ANKRD12: variants seen among roughly 807,000 people sequenced by gnomAD.
ANKRD12 encodes ankyrin repeat domain 12.
ANKRD12 carries 85 observed loss-of-function variants against 183.4 expected under a neutral mutation model. The observed-to-expected ratio is 0.46, with a 90% confidence interval of 0.39 to 0.56. The LOEUF (loss-of-function observed/expected upper bound fraction) is 0.56. ANKRD12 is among the 20% of genes least tolerant of loss of function. The pLI is 0.00. For synonymous variants in ANKRD12, 914 were observed against 800.2 expected (o/e 1.14, Z -2.40); for missense variants, 2,405 against 2,357.1 (o/e 1.02, Z -0.42).
chr18:9,236,451 A>C (rs1394957047), intron 8 of ANKRD12, among the ~76,000 whole-genome samples: 1 of 152,224 alleles, frequency 6.6e-6, no homozygotes, highest in African/African-American at 2.4e-5. Context: ...CAAGTACAGC[A>C]TAAAAATACT....
chr18:9,261,602 T>C (rs1305169279), intron 9 of ANKRD12, among the ~76,000 whole-genome samples: 1 of 152,320 alleles, frequency 6.6e-6, no homozygotes, highest in South Asian at 2.1e-4. Flanking sequence ...TCTTAAGTTC[T>C]TAGAACATCA....
chr18:9,146,372 TAGTG>T (rs529843603), intron 1 of ANKRD12, among the ~76,000 whole-genome samples: 10 of 152,002 alleles, frequency 6.6e-5, no homozygotes, highest in Non-Finnish European at 1.2e-4. Context: ...TGGGCCAAAA[TAGTG>T]AGACTCCATC....
intron 1 of ANKRD12, among the ~76,000 whole-genome samples, chr18:9,178,071 G>A (rs905225201): frequency 6.6e-6 from 1 of 151,990 alleles, no homozygotes; most frequent in African/African-American, 2.4e-5. Flanking sequence ...CAGCATGGCT[G>A]GCTTTTCATT....
At chr18:9,234,907 T>C (rs1306338705) in intron 8 of ANKRD12, among the ~76,000 whole-genome samples, 3 of 152,116 alleles carry the variant, frequency 2.0e-5, no homozygotes, top group African/African-American at 7.2e-5. Flanking sequence ...TCACTTACTC[T>C]TTCCCCTGGC....
intron 8 of ANKRD12, among the ~76,000 whole-genome samples, chr18:9,226,808 T>C (rs2036742913): frequency 6.6e-6 from 1 of 152,152 alleles, no homozygotes; most frequent in African/African-American, 2.4e-5. Flanking sequence ...TGCATCATCA[T>C]GAGAAATGCT....
Position 9,258,645 on chromosome 18 carries a change from C to G in ANKRD12, c.5378C>G (p.Pro1793Arg), listed in dbSNP as rs184288286. 1.9e-5 allele frequency: 31 copies of G among 1,613,760 alleles called. No homozygotes were observed. Among genetic ancestry groups the G allele is most frequent in the Non-Finnish European group, 2.6e-5 (31 of 1,179,900 alleles). Residue 1793 changes from proline (P) to arginine (R), a missense_variant, in exon 9 of 13, where the codon CCT becomes CGT. Physicochemically the swap from Pro to Arg is moderately radical, Grantham distance 103. Around this residue, in one of 7 missense-constraint regions of ANKRD12, gnomAD observed 1,983 missense variants for 1,725.9 expected, o/e 1.15. Coordinates refer to ENST00000262126, the MANE Select transcript of ANKRD12 (RefSeq NM_015208.5). The part of the protein sequence containing the change: ...HPRKRKVSRV[P>R]QPVQVSPSLL... ...CGGAAAAGGAAAGTGTCACGTGTAC[C>G]TCAGCCTGTGCAAGTGAGTCCCTCT... is the stretch of plus-strand genomic sequence containing the variant.
At chr18:9,181,303 A>G (rs542560236) in intron 1 of ANKRD12, among the ~76,000 whole-genome samples, 1 of 152,208 alleles carries the variant, frequency 6.6e-6, no homozygotes, top group East Asian at 1.9e-4. Context: ...TTTCTATCAA[A>G]ACAAAAGAAA....
chr18:9,257,825 G>C lies in ANKRD12; in HGVS notation c.4558G>C (p.Gly1520Arg). 3 of 1,613,598 alleles carry C rather than the reference G, an allele frequency of 1.9e-6. No individual in the cohort carries two copies. Among genetic ancestry groups the C allele is most frequent in the Non-Finnish European group, 2.5e-6 (3 of 1,179,896 alleles). Residue 1520 changes from glycine (G) to arginine (R), a missense_variant, in exon 9 of 13, where the codon GGT becomes CGT. Coordinates refer to ENST00000262126, the MANE Select transcript of ANKRD12 (RefSeq NM_015208.5). ...SLSYVANQEP[G>R]ILQQKNAVQI... ...GTCATATGTTGCTAATCAAGAGCCA[G>C]GTATTTTACAACAAAAAAATGCAGT...
At chr18:9,277,915 C>G (rs1280092068) in intron 11 of ANKRD12, among the ~76,000 whole-genome samples, 1 of 152,142 alleles carries the variant, frequency 6.6e-6, no homozygotes, top group Non-Finnish European at 1.5e-5. Flanking sequence ...AATTCATTTT[C>G]CCTGCCCCAG....
At chr18:9,238,172 T>A (rs1382268848) in intron 8 of ANKRD12, among the ~76,000 whole-genome samples, 2 of 152,166 alleles carry the variant, frequency 1.3e-5, no homozygotes, top group Non-Finnish European at 2.9e-5. Flanking sequence ...CTCCCCAGAC[T>A]CTTCCTTCTC....
At chr18:9,189,916 G>A (rs1490259470) in intron 2 of ANKRD12, among the ~76,000 whole-genome samples, 1 of 152,184 alleles carries the variant, frequency 6.6e-6, no homozygotes, top group African/African-American at 2.4e-5. Flanking sequence ...GCAGCCCATA[G>A]GTCAAGGAAT....
intron 8 of ANKRD12, among the ~76,000 whole-genome samples, chr18:9,242,712 G>T (rs1019213455): frequency 6.6e-6 from 1 of 152,136 alleles, no homozygotes; most frequent in Non-Finnish European, 1.5e-5. Context: ...GTAGAAAGAC[G>T]TATGATTGAG....
At chr18:9,207,376 TATTC>T (rs2035545567) in intron 4 of ANKRD12, among the ~76,000 whole-genome samples, 1 of 152,098 alleles carries the variant, frequency 6.6e-6, no homozygotes. Flanking sequence ...CAAAACCAAA[TATTC>T]AAGAAAATGG....
chr18:9,201,867 AC>A (rs1283355886), intron 3 of ANKRD12, among the ~76,000 whole-genome samples: 1 of 148,926 alleles, frequency 6.7e-6, no homozygotes, highest in Non-Finnish European at 1.5e-5. Flanking sequence ...TCGCTCTTTC[AC>A]CCAGGCTGGA....
chr18:9,214,898 G>A (rs1360759167), intron 6 of ANKRD12, among the ~76,000 whole-genome samples: 2 of 152,122 alleles, frequency 1.3e-5, no homozygotes, highest in African/African-American at 2.4e-5. Flanking sequence ...TATAAAAAAG[G>A]CGTACCTATA....
intron 7 of ANKRD12, among the ~76,000 whole-genome samples, chr18:9,217,191 A>G (rs1443639498): frequency 6.6e-6 from 1 of 152,210 alleles, no homozygotes; most frequent in Non-Finnish European, 1.5e-5. Context: ...AGCAGTCTTT[A>G]TATATAGTAA....
intron 10 of ANKRD12, 42 bp from the exon 11 acceptor site, chr18:9,275,482 T>G: frequency 6.3e-7 from 1 of 1,581,660 alleles, no homozygotes. Flanking sequence ...AAACAAAAAT[T>G]TGTTGAAGAA....
intron 1 of ANKRD12, among the ~76,000 whole-genome samples, chr18:9,141,215 T>TGTG (rs56166909): frequency 6.6e-6 from 1 of 151,198 alleles, no homozygotes; most frequent in East Asian, 2.0e-4. Flanking sequence ...TACTTGTTGC[T>TGTG]GTGGTGGTGG....
At chr18:9,234,141 A>C (rs1461970430) in intron 8 of ANKRD12, among the ~76,000 whole-genome samples, 1 of 152,182 alleles carries the variant, frequency 6.6e-6, no homozygotes, top group Non-Finnish European at 1.5e-5. Context: ...CCCTTCGTAC[A>C]CAGGCCCCAG....
Sources: gnomAD v4.1 joint callset for allele counts (sites outside exome capture counted in the v4.1 genomes callset) on GRCh38, gnomAD v4.1.1 for gene constraint, gnomAD v4.1.1 regional missense constraint, MANE v1.5 for transcripts, NCBI Gene and HGNC (gene_info 2026-07-23, HGNC 2026-07-21) for gene names.